EPS15L1: variants seen among roughly 807,000 people sequenced by gnomAD.
EPS15L1 encodes the protein epidermal growth factor receptor pathway substrate 15 like 1.
In EPS15L1, 43 loss-of-function variants were observed where a neutral mutation model predicts 117.1. The ratio of observed to expected loss-of-function variants is 0.37; its 90% CI spans 0.29 to 0.47. The LOEUF is 0.47. Ranked by LOEUF, EPS15L1 falls within the 20% of genes least tolerant of loss-of-function variation. The probability of loss-of-function intolerance (pLI) is 0.99; values close to 1 mark genes in which losing one functional copy is unlikely to be tolerated. For missense variants in EPS15L1, 981 were observed against 1,164.0 expected (o/e 0.84, Z 2.29); for synonymous variants, 459 against 470.5 (o/e 0.98, Z 0.32).
At chr19:16,463,281 G>A (rs2093271239) in intron 1 of EPS15L1, among the ~76,000 whole-genome samples, 1 of 152,100 alleles carries the variant, frequency 6.6e-6, no homozygotes, top group Non-Finnish European at 1.5e-5. Flanking sequence ...CCCTGAAGGT[G>A]GCCTCAACCT....
chr19:16,455,458 G>T (rs1376076702), intron 1 of EPS15L1, among the ~76,000 whole-genome samples: 2 of 152,182 alleles, frequency 1.3e-5, no homozygotes, highest in Non-Finnish European at 2.9e-5. Flanking sequence ...AAAAAACATT[G>T]CCTGCAGCAG....
At chr19:16,418,509 A>C (rs2092782513) in intron 10 of EPS15L1, among the ~76,000 whole-genome samples, 1 of 152,214 alleles carries the variant, frequency 6.6e-6, no homozygotes, top group Admixed American at 6.5e-5. Context: ...TTGTCCCTGT[A>C]GCTCTGGGTC....
At chr19:16,406,348 G>C (rs1179516022) in intron 13 of EPS15L1, among the ~76,000 whole-genome samples, 3 of 152,190 alleles carry the variant, frequency 2.0e-5, no homozygotes, top group African/African-American at 7.2e-5. Context: ...TCAGGAGAAA[G>C]ACTCCAGTGA....
At chr19:16,386,711 C>T (rs536501847) in intron 19 of EPS15L1, among the ~76,000 whole-genome samples, 1 of 152,340 alleles carries the variant, frequency 6.6e-6, no homozygotes, top group South Asian at 2.1e-4. Flanking sequence ...AAGCCCTGAA[C>T]TTCATGATCC....
chr19:16,440,828 C>T (rs1428951616), intron 4 of EPS15L1, 34 bp downstream of exon 4: 3 of 1,609,862 alleles, frequency 1.9e-6, no homozygotes, highest in African/African-American at 1.3e-5. Context: ...CTCTGCCCAG[C>T]CCCTCCATTT....
intron 8 of EPS15L1, among the ~76,000 whole-genome samples, chr19:16,425,521 A>G (rs2092863205): frequency 6.6e-6 from 1 of 152,322 alleles, no homozygotes; most frequent in Non-Finnish European, 1.5e-5. Flanking sequence ...TTATTCCTCG[A>G]GACTGAAATG....
chr19:16,401,344 T>C, intron 16 of EPS15L1: 2 of 985,296 alleles, frequency 2.0e-6, no homozygotes, highest in Non-Finnish European at 2.4e-6. Flanking sequence ...GCATTGAACA[T>C]AAAGAGGCAA....
Position 16,370,240 on chromosome 19 carries a change from A to G in EPS15L1, c.2380+6882T>C, listed in dbSNP as rs1201445868. Among the ~76,000 whole-genome samples the G allele has an allele frequency of 6.6e-6, 1 of 152,092 alleles. No homozygotes were observed. The highest frequency in any genetic ancestry group is 1.5e-5 in the Non-Finnish European group (1 of 67,988). ...GTGCATGTGATATTTTGCAGTTAGC[A>G]GTGGCAGGCAAGGGGCGCGCTGACT... On this transcript the variant is annotated intron_variant, in intron 22 of 23. Coordinates refer to ENST00000455140, the MANE Select transcript of EPS15L1 (RefSeq NM_001258374.3). This position sits in a 1 kb window ranked among gnomAD's most constrained non-coding sequence, Gnocchi z 5.2.
chr19:16,384,401 T>A (rs2144736324), intron 21 of EPS15L1: 1 of 152,508 alleles, frequency 6.6e-6, no homozygotes, highest in African/African-American at 2.4e-5. Flanking sequence ...AGCAGTTTCT[T>A]CCGGAAGGCA....
At chr19:16,395,724 A>C (rs1295368793) in intron 16 of EPS15L1, among the ~76,000 whole-genome samples, 1 of 152,152 alleles carries the variant, frequency 6.6e-6, no homozygotes, top group Admixed American at 6.6e-5. Context: ...CAGGTGGATC[A>C]CCTGAGGTCA....
intron 11 of EPS15L1, 69 bp from the exon 12 acceptor site, chr19:16,417,706 G>C: frequency 7.3e-7 from 1 of 1,366,450 alleles, no homozygotes; most frequent in Non-Finnish European, 1.0e-6. Context: ...GGCACCAGCA[G>C]TTCTCGGGCC....
chr19:16,376,803 C>T (rs1265403264), intron 22 of EPS15L1, among the ~76,000 whole-genome samples: 1 of 152,256 alleles, frequency 6.6e-6, no homozygotes, highest in African/African-American at 2.4e-5. Context: ...CGGGGTGGCA[C>T]TGACATGCTC....
chr19:16,417,732 C>T (rs538425599), intron 11 of EPS15L1, 95 bp from the exon 12 acceptor site: 904 of 1,218,312 alleles, frequency 7.4e-4, no homozygotes, highest in Middle Eastern at 2.0e-3. Context: ...ATAAAATTGT[C>T]CCTTTAGTAC....
chr19:16,379,069 C>T (rs1035750404), intron 21 of EPS15L1, among the ~76,000 whole-genome samples: 2 of 152,026 alleles, frequency 1.3e-5, no homozygotes, highest in Admixed American at 1.3e-4. Context: ...TTTGGGAGGC[C>T]GAGGCGGGCA....
chr19:16,463,167 GGCTTGGAGGGTTTCCT>G (rs1177535472), intron 1 of EPS15L1, among the ~76,000 whole-genome samples: 1 of 152,090 alleles, frequency 6.6e-6, no homozygotes, highest in Non-Finnish European at 1.5e-5. Context: ...GGTCTCACGT[GGCTTGGAGGGTTTCCT>G]GCAAAGTGAT....
intron 16 of EPS15L1, chr19:16,401,760 T>C (rs1568419918): frequency 1.0e-6 from 1 of 985,362 alleles, no homozygotes; most frequent in Non-Finnish European, 1.2e-6. Flanking sequence ...GAGGTCAGAG[T>C]AAAGTGCAGA....
intron 22 of EPS15L1, among the ~76,000 whole-genome samples, chr19:16,363,371 G>T (rs2092086335): frequency 1.3e-5 from 2 of 152,156 alleles, no homozygotes; most frequent in Admixed American, 6.5e-5. Context: ...AGAGCACCCT[G>T]GCTCCCAGCC....
chr19:16,393,674 TAAATAAATAAATAAATA>T (rs2092508092), intron 18 of EPS15L1, among the ~76,000 whole-genome samples: 2 of 148,584 alleles, frequency 1.3e-5, no homozygotes, highest in South Asian at 2.1e-4. Context: ...AAAAAATAAA[TAAATAAATAAATAAATA>T]AAATAAATAA....
Position 16,434,352 on chromosome 19 carries a change from G to C in EPS15L1, c.498+13C>G. ...CACTGAGTGCAGAAGAACCAAGCCC[G>C]TGGCCCACTTACCCTGCCCAGGACA... On this transcript the variant is annotated intron_variant, in intron 7 of 23. Coordinates refer to ENST00000455140, the MANE Select transcript of EPS15L1 (RefSeq NM_001258374.3). The C allele has an allele frequency of 2.5e-6, 4 of 1,612,552 alleles. No individual in the cohort carries two copies. The highest frequency in any genetic ancestry group is 3.4e-6 in the Non-Finnish European group (4 of 1,179,442).
Sources: gnomAD v4.1 joint callset for allele counts (sites outside exome capture counted in the v4.1 genomes callset) on GRCh38, gnomAD v4.1.1 for gene constraint, Gnocchi (gnomAD v3.1) non-coding constraint, MANE v1.5 for transcripts, NCBI Gene and HGNC (gene_info 2026-07-23, HGNC 2026-07-21) for gene names.